Variants in ADAMTSL1 observed in about 807,000 individuals in gnomAD.
The protein encoded by ADAMTSL1 is ADAMTS like 1, also known as ADAMTS-like protein 1.
ADAMTSL1 carries 126 observed loss-of-function variants against 201.8 expected under a neutral mutation model. The ratio of observed to expected loss-of-function variants is 0.62; its 90% CI spans 0.54 to 0.72. The LOEUF (loss-of-function observed/expected upper bound fraction) is 0.72. ADAMTSL1 is among the 30% of genes least tolerant of loss of function. ADAMTSL1 has a pLI of 0.00. For missense variants in ADAMTSL1, 2,679 were observed against 2,277.8 expected (o/e 1.18, Z -3.59); for synonymous variants, 1,121 against 903.4 (o/e 1.24, Z -4.32).
intron 13 of ADAMTSL1, among the ~76,000 whole-genome samples, chr9:18,704,237 T>C (rs1255781290): frequency 6.6e-6 from 1 of 152,030 alleles, no homozygotes; most frequent in Non-Finnish European, 1.5e-5. Context: ...AATGGCAGAG[T>C]TGAGTAGCTG....
intron 2 of ADAMTSL1, among the ~76,000 whole-genome samples, chr9:18,307,640 G>A (rs911210093): frequency 1.3e-5 from 2 of 152,082 alleles, no homozygotes; most frequent in Non-Finnish European, 2.9e-5. Context: ...AACAAGAAGA[G>A]CTAACTATCC....
At chr9:17,917,270 T>C (rs1331484106) in intron 1 of ADAMTSL1, among the ~76,000 whole-genome samples, 3 of 152,072 alleles carry the variant, frequency 2.0e-5, no homozygotes, top group Non-Finnish European at 2.9e-5. Context: ...GACACTACCT[T>C]CGAACCTCCA....
intron 2 of ADAMTSL1, among the ~76,000 whole-genome samples, chr9:18,531,224 C>G (rs1395655354): frequency 3.9e-5 from 6 of 152,192 alleles, no homozygotes. Flanking sequence ...ATGGCCAGCA[C>G]TCTCTGTTCT....
intron 1 of ADAMTSL1, among the ~76,000 whole-genome samples, chr9:18,486,716 G>A (rs1352675379): frequency 1.3e-5 from 2 of 152,050 alleles, no homozygotes; most frequent in South Asian, 2.1e-4. Context: ...AAAAAAAAGC[G>A]GAGTGGGAGT....
intron 5 of ADAMTSL1, 23 bp downstream of exon 5, chr9:18,622,392 A>G: frequency 6.2e-7 from 1 of 1,613,910 alleles, no homozygotes. Flanking sequence ...GAGATGGGCG[A>G]CCTTTGGACT....
intron 2 of ADAMTSL1, among the ~76,000 whole-genome samples, chr9:18,346,072 G>A (rs1210692845): frequency 6.6e-6 from 1 of 152,054 alleles, no homozygotes; most frequent in Admixed American, 6.6e-5. Flanking sequence ...CCTTATCCCT[G>A]ACCCTGTATG....
At chr9:18,225,285 C>CT (rs2132380357) in intron 2 of ADAMTSL1, among the ~76,000 whole-genome samples, 2 of 152,240 alleles carry the variant, frequency 1.3e-5, no homozygotes, top group South Asian at 4.2e-4. Context: ...AAGCAAAGGA[C>CT]ATCTTATAGC....
At chr9:17,924,892 G>C (rs1270424545) in intron 1 of ADAMTSL1, among the ~76,000 whole-genome samples, 6 of 99,754 alleles carry the variant, frequency 6.0e-5, no homozygotes, top group East Asian at 6.2e-4. Context: ...CACAGCAAAA[G>C]AAACTACCAT....
At chr9:18,343,679 G>T (rs1835571242) in intron 2 of ADAMTSL1, among the ~76,000 whole-genome samples, 1 of 152,116 alleles carries the variant, frequency 6.6e-6, no homozygotes, top group African/African-American at 2.4e-5. Flanking sequence ...ACTTATTTCA[G>T]AGCTTTGTAC....
intron 1 of ADAMTSL1, among the ~76,000 whole-genome samples, chr9:17,946,117 C>A (rs1384347933): frequency 7.0e-6 from 1 of 142,230 alleles, no homozygotes; most frequent in Non-Finnish European, 1.5e-5. Flanking sequence ...TGTGTACAAA[C>A]AGAATTGAAT....
At chr9:18,247,281 A>T (rs1831290653) in intron 2 of ADAMTSL1, among the ~76,000 whole-genome samples, 1 of 152,210 alleles carries the variant, frequency 6.6e-6, no homozygotes, top group Non-Finnish European at 1.5e-5. Flanking sequence ...ACACTAATAA[A>T]ATTATCAGGG....
chr9:18,281,299 A>T (rs1237318557), intron 2 of ADAMTSL1, among the ~76,000 whole-genome samples: 1 of 152,162 alleles, frequency 6.6e-6, no homozygotes, highest in Non-Finnish European at 1.5e-5. Context: ...ATTTACACTC[A>T]CCAGACTATG....
At chr9:18,788,419 C>T (rs888394419) in intron 19 of ADAMTSL1, among the ~76,000 whole-genome samples, 4 of 149,990 alleles carry the variant, frequency 2.7e-5, no homozygotes, top group African/African-American at 7.4e-5. Context: ...GAGGCCAAAC[C>T]ATATGCCTGC....
rs775821751 is a variant in ADAMTSL1 at position 18,776,824 on chromosome 9, C to T, written c.2595C>T (p.Ala865=). ...CGAAGCACAGCCCGCACATCGCGGC[C>T]GCCAGGAAGGTCTACATACAGACTC... ...PSTKHSPHIA[A]ARKVYIQTRR... Residue 865 remains alanine, a synonymous_variant, in exon 19 of 29, where the codon GCC becomes GCT. Transcript: ENST00000380548. The T allele has an allele frequency of 8.9e-6, 14 of 1,580,030 alleles. No homozygotes were observed. Among genetic ancestry groups the T allele is most frequent in the East Asian group, 4.7e-5 (2 of 42,688 alleles).
intron 2 of ADAMTSL1, among the ~76,000 whole-genome samples, chr9:18,265,391 T>C (rs962656419): frequency 5.3e-5 from 8 of 152,340 alleles, no homozygotes; most frequent in African/African-American, 1.9e-4. Context: ...CTTCCTGATT[T>C]ATTTCTGCTC....
chr9:18,305,499 G>A (rs904409852), intron 2 of ADAMTSL1, among the ~76,000 whole-genome samples: 2 of 152,170 alleles, frequency 1.3e-5, no homozygotes, highest in Non-Finnish European at 2.9e-5. Flanking sequence ...AAGTCTATCT[G>A]GGATGCTCAA....
chr9:18,720,337 A>G (rs921328756), intron 14 of ADAMTSL1, among the ~76,000 whole-genome samples: 31 of 152,292 alleles, frequency 2.0e-4, no homozygotes, highest in African/African-American at 6.7e-4. Context: ...AATAGTGCTT[A>G]CTTTGTGCAG....
At chr9:18,499,517 A>C (rs12003118) in intron 1 of ADAMTSL1, among the ~76,000 whole-genome samples, 5,763 of 152,252 alleles carry the variant, frequency 0.038, 354 homozygotes, top group African/African-American at 0.13. Context: ...CATGGCCAGG[A>C]TGTTTCTGTG....
intron 1 of ADAMTSL1, among the ~76,000 whole-genome samples, chr9:18,493,293 T>C (rs1453366177): frequency 6.6e-6 from 1 of 152,252 alleles, no homozygotes; most frequent in Non-Finnish European, 1.5e-5. Context: ...CTGTGATCTA[T>C]GGTTATCTAT....
Sources: gnomAD v4.1 joint callset for allele counts (sites outside exome capture counted in the v4.1 genomes callset) on GRCh38, gnomAD v4.1.1 for gene constraint, MANE v1.5 for transcripts, NCBI Gene and HGNC (gene_info 2026-07-23, HGNC 2026-07-21) for gene names.